KCNB2: variants seen among roughly 807,000 people sequenced by gnomAD.
The protein encoded by KCNB2 is delayed rectifier potassium channel protein.
Under a neutral mutation model 61.5 loss-of-function variants are expected in KCNB2, and 15 were observed. That is an observed-to-expected ratio of 0.24 (90% confidence interval 0.16 to 0.38). KCNB2 has a LOEUF of 0.38. Ranked by LOEUF, KCNB2 falls within the 10% of genes least tolerant of loss-of-function variation. The pLI is 1.00. For missense variants in KCNB2, 828 were observed against 1,125.2 expected (o/e 0.74, Z 3.78); for synonymous variants, 457 against 446.0 (o/e 1.02, Z -0.31).
intron 2 of KCNB2, among the ~76,000 whole-genome samples, chr8:72,811,203 T>A (rs1484111941): frequency 6.6e-6 from 1 of 150,794 alleles, no homozygotes; most frequent in African/African-American, 2.4e-5. Context: ...AATTTTTAAA[T>A]GGCTTTTCCC....
chr8:72,545,455 G>T (rs982681904), intron 1 of KCNB2, among the ~76,000 whole-genome samples: 2 of 152,134 alleles, frequency 1.3e-5, no homozygotes, highest in Non-Finnish European at 1.5e-5. Flanking sequence ...TTGTTATATA[G>T]GTTATGCTGA....
At chr8:72,605,660 C>A (rs879764930) in intron 2 of KCNB2, among the ~76,000 whole-genome samples, 8 of 152,126 alleles carry the variant, frequency 5.3e-5, no homozygotes, top group Admixed American at 2.6e-4. Flanking sequence ...TTTGAAGTTA[C>A]ACACAAAATA....
chr8:72,620,103 T>G (rs371395449), intron 2 of KCNB2, among the ~76,000 whole-genome samples: 1 of 152,366 alleles, frequency 6.6e-6, no homozygotes, highest in African/African-American at 2.4e-5. Context: ...TAAAATTAAT[T>G]TCACCTGTTT....
intron 1 of KCNB2, among the ~76,000 whole-genome samples, chr8:72,552,876 T>C (rs1425058575): frequency 2.0e-5 from 3 of 152,312 alleles, no homozygotes; most frequent in African/African-American, 7.2e-5. Flanking sequence ...GGCAGGATTT[T>C]TTTTTTGTAC....
chr8:72,800,484 G>C (rs924055035), intron 2 of KCNB2, among the ~76,000 whole-genome samples: 1 of 152,070 alleles, frequency 6.6e-6, no homozygotes, highest in Non-Finnish European at 1.5e-5. Context: ...GAAGTAGTTT[G>C]TTTATTCTTC....
intron 2 of KCNB2, among the ~76,000 whole-genome samples, chr8:72,918,479 G>A (rs988198105): frequency 6.6e-6 from 1 of 152,192 alleles, no homozygotes; most frequent in Non-Finnish European, 1.5e-5. Context: ...GCCACAGATA[G>A]TATTTGTTGG....
intron 2 of KCNB2, among the ~76,000 whole-genome samples, chr8:72,773,034 G>T (rs1808585769): frequency 6.6e-6 from 1 of 152,172 alleles, no homozygotes; most frequent in Non-Finnish European, 1.5e-5. Flanking sequence ...ACCCTGCCCA[G>T]TAGGGGGAAT....
chr8:72,889,205 C>A (rs1439079567), intron 2 of KCNB2, among the ~76,000 whole-genome samples: 1 of 152,168 alleles, frequency 6.6e-6, no homozygotes, highest in Admixed American at 6.5e-5. Flanking sequence ...ATCACTGTTA[C>A]TATTCCCAGC....
At chr8:72,581,893 T>A (rs141781410) in intron 2 of KCNB2, among the ~76,000 whole-genome samples, 1 of 152,182 alleles carries the variant, frequency 6.6e-6, no homozygotes, top group Admixed American at 6.5e-5. Context: ...CTGGGAACTC[T>A]TGTCATAGGT....
At chr8:72,682,577 A>C (rs996787353) in intron 2 of KCNB2, among the ~76,000 whole-genome samples, 3 of 150,650 alleles carry the variant, frequency 2.0e-5, no homozygotes, top group African/African-American at 7.4e-5. Flanking sequence ...GAAGTCATGG[A>C]CACTAAAGTT....
At chr8:72,542,314 G>C (rs1470323977) in intron 1 of KCNB2, among the ~76,000 whole-genome samples, 2 of 152,010 alleles carry the variant, frequency 1.3e-5, no homozygotes, top group Non-Finnish European at 2.9e-5. Flanking sequence ...AGGTCTTACA[G>C]GTTCAATCAC....
chr8:72,654,320 G>T (rs1289390620), intron 2 of KCNB2, among the ~76,000 whole-genome samples: 1 of 152,108 alleles, frequency 6.6e-6, no homozygotes, highest in Admixed American at 6.6e-5. Flanking sequence ...TATATCTCAG[G>T]CTTCTCAAAT....
intron 2 of KCNB2, among the ~76,000 whole-genome samples, chr8:72,711,610 A>G (rs997549259): frequency 2.6e-5 from 4 of 152,358 alleles, no homozygotes; most frequent in African/African-American, 9.6e-5. Flanking sequence ...CCAGGCAAAG[A>G]CAAAGATGGT....
intron 2 of KCNB2, among the ~76,000 whole-genome samples, chr8:72,650,070 G>T (rs1278640163): frequency 1.3e-5 from 2 of 152,028 alleles, no homozygotes; most frequent in Non-Finnish European, 2.9e-5. Context: ...ACCATTAAAA[G>T]GAAAGACAAT....
chr8:72,800,749 TTTA>T (rs1203258973), intron 2 of KCNB2, among the ~76,000 whole-genome samples: 10 of 152,196 alleles, frequency 6.6e-5, no homozygotes, highest in Non-Finnish European at 1.3e-4. Context: ...TGCCGTTGTG[TTTA>T]TTATTATAAC....
At chr8:72,920,927 A>G (rs1054253157) in intron 2 of KCNB2, among the ~76,000 whole-genome samples, 1 of 152,150 alleles carries the variant, frequency 6.6e-6, no homozygotes, top group Non-Finnish European at 1.5e-5. Flanking sequence ...CACAGAAACT[A>G]TAGATAAGGT....
At chr8:72,737,190 A>G (rs1807862025) in intron 2 of KCNB2, among the ~76,000 whole-genome samples, 1 of 152,148 alleles carries the variant, frequency 6.6e-6, no homozygotes, top group Admixed American at 6.6e-5. Context: ...GATAGTTCTG[A>G]TTTTTTAACA....
chr8:72,710,254 C>T (rs1341427222), intron 2 of KCNB2, among the ~76,000 whole-genome samples: 1 of 152,186 alleles, frequency 6.6e-6, no homozygotes, highest in African/African-American at 2.4e-5. Context: ...GTTTTAAGGG[C>T]AGTTATGCCA....
At chr8:72,928,191 C>CT (rs879676235) in intron 2 of KCNB2, among the ~76,000 whole-genome samples, 4,562 of 134,866 alleles carry the variant, frequency 0.034, 264 homozygotes, top group African/African-American at 0.12. Context: ...CACTTTCTTT[C>CT]TTTTTTTTTT....
Sources: gnomAD v4.1 joint callset for allele counts (sites outside exome capture counted in the v4.1 genomes callset) on GRCh38, gnomAD v4.1.1 for gene constraint, MANE v1.5 for transcripts, NCBI Gene and HGNC (gene_info 2026-07-23, HGNC 2026-07-21) for gene names.